The following METTL16 variants were observed in gnomAD, a reference collection of about 807,000 sequenced individuals.
The protein encoded by METTL16 is methyltransferase 16, RNA N6-adenosine.
In METTL16, 19 loss-of-function variants were observed where a neutral mutation model predicts 57.9. The ratio of observed to expected loss-of-function variants is 0.33; its 90% confidence interval spans 0.23 to 0.48. The LOEUF is 0.48. Ranked by LOEUF, METTL16 falls within the 20% of genes least tolerant of loss-of-function variation. The probability of loss-of-function intolerance (pLI) is 0.99; values close to 1 mark genes in which losing one functional copy is unlikely to be tolerated. For synonymous variants in METTL16, 246 were observed against 255.6 expected (o/e 0.96, Z 0.36); for missense variants, 434 against 691.5 (o/e 0.63, Z 4.18).
At chr17:2,468,474 C>A (rs893087936) in intron 4 of METTL16, among the ~76,000 whole-genome samples, 2 of 152,176 alleles carry the variant, frequency 1.3e-5, no homozygotes, top group Non-Finnish European at 2.9e-5. Flanking sequence ...ATGACTGTAG[C>A]TCTAGCCAAC....
At chr17:2,498,165 G>A (rs112129524) in intron 2 of METTL16, among the ~76,000 whole-genome samples, 4,036 of 150,508 alleles carry the variant, frequency 0.027, 166 homozygotes, top group African/African-American at 0.068. Context: ...CTGCACTCCA[G>A]CCTGGGCGAC....
At chr17:2,460,015 T>C (rs1161045512) in intron 6 of METTL16, 1 of 152,142 alleles carries the variant, frequency 6.6e-6, no homozygotes, top group East Asian at 1.9e-4. Context: ...AAAACGTATG[T>C]GTATATATGT....
In METTL16 at chr17:2,418,635, T is replaced by TCTCCAG. The variant is rs1567877221; in HGVS notation, c.*1329_*1334dup. On this transcript the variant is annotated 3_prime_UTR_variant, in exon 10 of 10. Transcript: ENST00000263092. ...AAAGCCACTGGTCAGTATGCTGCCT[T>TCTCCAG]CTCCAGCTCCAGCTCCACAGCCAAG... 6.6e-6 allele frequency: 1 copy of TCTCCAG among 152,326 alleles called. No individual in the cohort carries two copies. The highest frequency in any genetic ancestry group is 2.1e-4 in the South Asian group (1 of 4,830). 9.4% of individuals were successfully genotyped at this position (152,326 alleles called of 1,614,324 possible). A position where few individuals can be genotyped will look rare whatever the true frequency, so the allele number is the denominator to read the frequency against.
chr17:2,429,137 C>G (rs936071247), intron 8 of METTL16, among the ~76,000 whole-genome samples: 3 of 148,798 alleles, frequency 2.0e-5, no homozygotes, highest in Non-Finnish European at 4.5e-5. Flanking sequence ...GGATTACAGG[C>G]ATGAGCCACC....
chr17:2,455,517 T>C (rs2067103416), intron 6 of METTL16, among the ~76,000 whole-genome samples: 2 of 152,204 alleles, frequency 1.3e-5, no homozygotes, highest in African/African-American at 4.8e-5. Context: ...CCATGTAAGC[T>C]GACACAGCTA....
At chr17:2,460,779 G>A (rs957309345) in intron 6 of METTL16, among the ~76,000 whole-genome samples, 3 of 152,024 alleles carry the variant, frequency 2.0e-5, no homozygotes, top group Admixed American at 6.6e-5. Flanking sequence ...CAGCTACTCG[G>A]GAGGCTGAGG....
intron 3 of METTL16, 141 bp downstream of exon 3, chr17:2,477,545 C>T (rs537054762): frequency 1.1e-4 from 74 of 657,022 alleles, no homozygotes; most frequent in South Asian, 2.5e-4. Flanking sequence ...TTCGGATTTT[C>T]GGATTAAGGA....
chr17:2,493,671 A>T (rs1392670592), intron 2 of METTL16, among the ~76,000 whole-genome samples: 4 of 146,188 alleles, frequency 2.7e-5, no homozygotes, highest in African/African-American at 1.0e-4. Context: ...GTGAGCCGAG[A>T]TTGGGCCACT....
At chr17:2,438,078 G>A (rs1255541501) in intron 8 of METTL16, 31 bp downstream of exon 8, 1 of 1,481,178 alleles carries the variant, frequency 6.8e-7, no homozygotes, top group Non-Finnish European at 9.4e-7. Flanking sequence ...TGTGCTGGCA[G>A]GTGGTGAAGC....
chr17:2,428,680 T>C (rs1192947102), intron 8 of METTL16, among the ~76,000 whole-genome samples: 1 of 141,480 alleles, frequency 7.1e-6, no homozygotes, highest in Non-Finnish European at 1.5e-5. Flanking sequence ...GAGGATCACT[T>C]GAGCCCAGGA....
At chr17:2,440,407 C>G (rs1011521375) in intron 7 of METTL16, among the ~76,000 whole-genome samples, 4 of 152,030 alleles carry the variant, frequency 2.6e-5, no homozygotes, top group African/African-American at 7.2e-5. Flanking sequence ...TGCCACCATG[C>G]CCGGCTAATT....
intron 8 of METTL16, among the ~76,000 whole-genome samples, chr17:2,436,004 G>A (rs914275000): frequency 1.2e-4 from 19 of 152,130 alleles, no homozygotes; most frequent in African/African-American, 4.1e-4. Context: ...CGGAGGACTC[G>A]GTCTCGGAGC....
chr17:2,464,113 ACT>A, intron 6 of METTL16, 93 bp downstream of exon 6: 1 of 1,320,178 alleles, frequency 7.6e-7, no homozygotes, highest in Non-Finnish European at 1.0e-6. Flanking sequence ...CAAGAGCAAG[ACT>A]CTGTCCCCCG....
At chr17:2,428,493 A>G (rs1225392713) in intron 8 of METTL16, among the ~76,000 whole-genome samples, 2 of 126,028 alleles carry the variant, frequency 1.6e-5, no homozygotes, top group African/African-American at 6.0e-5. Flanking sequence ...CTGCCATTGC[A>G]CTCCAGCCCA....
intron 6 of METTL16, among the ~76,000 whole-genome samples, chr17:2,447,676 C>T (rs1245720075): frequency 8.2e-4 from 106 of 129,052 alleles, no homozygotes; most frequent in East Asian, 1.2e-3. Context: ...CCCCTCTGCC[C>T]GGCCAGCCGC....
At chr17:2,437,825 C>T (rs1339853777) in intron 8 of METTL16, among the ~76,000 whole-genome samples, 1 of 152,190 alleles carries the variant, frequency 6.6e-6, no homozygotes, top group African/African-American at 2.4e-5. Context: ...GCTGGGATTA[C>T]AGGCATAAGC....
At chr17:2,464,121 C>T in intron 6 of METTL16, 87 bp downstream of exon 6, 2 of 1,382,596 alleles carry the variant, frequency 1.4e-6, no homozygotes, top group East Asian at 2.4e-5. Context: ...AGACTCTGTC[C>T]CCCGCCACCA....
chr17:2,418,841 C>G lies in METTL16; in HGVS notation c.*1129G>C, dbSNP rs1181301856. ...AAGGAGCTCTGGCCAAGATTTTAGT[C>G]TAAACAGAACCCTAGGCTGCTGATG... is the stretch of plus-strand genomic sequence containing the variant. On this transcript the variant is annotated 3_prime_UTR_variant, in exon 10 of 10. Transcript: ENST00000263092. 6.6e-6 allele frequency: 1 copy of G among 152,218 alleles called. No individual in the cohort carries two copies. The highest frequency in any genetic ancestry group is 2.4e-5 in the African/African-American group (1 of 41,446). The allele number at this position is 152,218 out of a possible 1,614,324, so 9.4% of individuals were successfully genotyped here. A position where few individuals can be genotyped will look rare whatever the true frequency, so the allele number is the denominator to read the frequency against.
At chr17:2,503,496 C>T (rs894666862) in intron 1 of METTL16, among the ~76,000 whole-genome samples, 1 of 151,780 alleles carries the variant, frequency 6.6e-6, no homozygotes, top group Non-Finnish European at 1.5e-5. Flanking sequence ...TACGGTATAT[C>T]CATACACTAA....
Sources: gnomAD v4.1 joint callset for allele counts (sites outside exome capture counted in the v4.1 genomes callset) on GRCh38, gnomAD v4.1.1 for gene constraint, MANE v1.5 for transcripts, NCBI Gene and HGNC (gene_info 2026-07-23, HGNC 2026-07-21) for gene names.